The following CDH18 variants were observed in gnomAD, a reference collection of about 807,000 sequenced individuals.
CDH18 encodes cadherin-18.
Under a neutral mutation model 67.9 loss-of-function variants are expected in CDH18, and 31 were observed. That is an observed-to-expected ratio of 0.46 (90% CI 0.34 to 0.62). The LOEUF is 0.62. Among genes scored for constraint, CDH18 ranks in the 20% least tolerant of loss-of-function variants. The probability of loss-of-function intolerance (pLI) is 0.01; values close to 1 mark genes in which losing one functional copy is unlikely to be tolerated. For missense variants in CDH18, 890 were observed against 975.5 expected, an observed-to-expected ratio of 0.91 and a Z score of 1.17; for synonymous variants, 362 against 347.2, an observed-to-expected ratio of 1.04 and a Z score of -0.48.
chr5:20,503,811 G>A (rs527721651), intron 1 of CDH18, among the ~76,000 whole-genome samples: 229 of 152,278 alleles, frequency 1.5e-3, no homozygotes, highest in African/African-American at 5.4e-3. Flanking sequence ...GCTGAGGCGG[G>A]TGGATTATCT....
At chr5:19,782,564 A>C (rs1469213466) in intron 3 of CDH18, among the ~76,000 whole-genome samples, 1 of 152,198 alleles carries the variant, frequency 6.6e-6, no homozygotes, top group Non-Finnish European at 1.5e-5. Context: ...CGTATACTTA[A>C]GGAAAAATTA....
chr5:20,317,029 C>T (rs1051273913), intron 1 of CDH18, among the ~76,000 whole-genome samples: 10 of 151,846 alleles, frequency 6.6e-5, no homozygotes, highest in East Asian at 1.9e-4. Context: ...GAGAATAAAA[C>T]CAAGGCTTAT....
rs35822383 is a variant in CDH18, at chr5:19,971,858, AAGAGAG to A, written c.-257+9196_-257+9201del. ...TCTAAACTTAAACGTTAAAAAAAAA[AAGAGAG>A]AGAGAGAGAGAAAGAAATGTGAATC... On this transcript the variant is annotated intron_variant, in intron 2 of 12. Transcript: ENST00000382275. Among the ~76,000 whole-genome samples, 3 of 126,942 alleles carry A rather than the reference AAGAGAG, an allele frequency of 2.4e-5. No individual in the cohort carries two copies. In the South Asian group the frequency reaches 6.3e-4, roughly 27 times the overall value. 83.3% of individuals were successfully genotyped at this position (126,942 alleles called of 152,430 possible).
intron 1 of CDH18, among the ~76,000 whole-genome samples, chr5:20,452,753 C>G (rs151037993): frequency 6.6e-6 from 1 of 151,950 alleles, no homozygotes; most frequent in East Asian, 1.9e-4. Flanking sequence ...TACCCCTAAA[C>G]CTAAATTAAA....
chr5:20,561,170 G>T (rs1268498624), intron 1 of CDH18, among the ~76,000 whole-genome samples: 1 of 152,034 alleles, frequency 6.6e-6, no homozygotes, highest in African/African-American at 2.4e-5. Context: ...AAGATAAATT[G>T]CATAGCCATA....
chr5:20,418,082 A>AT (rs957254727), intron 1 of CDH18, among the ~76,000 whole-genome samples: 5 of 151,292 alleles, frequency 3.3e-5, no homozygotes, highest in Non-Finnish European at 5.9e-5. Flanking sequence ...TTTTATTTTT[A>AT]TTTTTTGTTG....
intron 2 of CDH18, among the ~76,000 whole-genome samples, chr5:20,010,265 CAG>C (rs773526048): frequency 1.3e-5 from 2 of 151,272 alleles, no homozygotes; most frequent in African/African-American, 4.9e-5. Context: ...TTTTTTGAGA[CAG>C]AGTCTCCCCT....
intron 2 of CDH18, among the ~76,000 whole-genome samples, chr5:20,121,624 A>G (rs919479911): frequency 1.3e-5 from 2 of 152,162 alleles, no homozygotes; most frequent in African/African-American, 4.8e-5. Flanking sequence ...AGAAGAAAAT[A>G]CTTTAAAAAA....
At chr5:19,612,697 T>C in intron 5 of CDH18, 96 bp from the exon 6 acceptor site, 1 of 945,352 alleles carries the variant, frequency 1.1e-6, no homozygotes, top group Non-Finnish European at 1.6e-6. Context: ...TCTTTTAAAA[T>C]AGCATATTTT....
intron 1 of CDH18, among the ~76,000 whole-genome samples, chr5:20,475,260 T>C (rs1752359230): frequency 6.6e-6 from 1 of 152,052 alleles, no homozygotes; most frequent in South Asian, 2.1e-4. Context: ...GCATGATTCA[T>C]TGTACAATTC....
At chr5:20,435,833 G>A (rs898307414) in intron 1 of CDH18, among the ~76,000 whole-genome samples, 6 of 151,918 alleles carry the variant, frequency 3.9e-5, no homozygotes, top group Non-Finnish European at 7.4e-5. Flanking sequence ...GATATCAAAG[G>A]TAAAATCAAA....
At chr5:20,010,039 C>T (rs922128518) in intron 2 of CDH18, among the ~76,000 whole-genome samples, 11 of 151,908 alleles carry the variant, frequency 7.2e-5, no homozygotes, top group Middle Eastern at 3.4e-3. Flanking sequence ...CTTCTTCTTG[C>T]GGGATGCTTT....
chr5:19,692,077 C>T (rs1206723716), intron 5 of CDH18, among the ~76,000 whole-genome samples: 4 of 151,972 alleles, frequency 2.6e-5, no homozygotes, highest in Admixed American at 6.6e-5. Flanking sequence ...AATAAAACCA[C>T]TTATTTACAG....
chr5:19,542,599 A>G (rs1750449147), intron 9 of CDH18, among the ~76,000 whole-genome samples: 1 of 152,210 alleles, frequency 6.6e-6, no homozygotes, highest in African/African-American at 2.4e-5. Flanking sequence ...AGTACCAATG[A>G]CACATACTAT....
At chr5:19,744,096 T>C (rs1769629641) in intron 4 of CDH18, among the ~76,000 whole-genome samples, 2 of 152,126 alleles carry the variant, frequency 1.3e-5, no homozygotes, top group Non-Finnish European at 2.9e-5. Flanking sequence ...TGTTTTCCTA[T>C]AGTAATGAGT....
chr5:19,767,827 G>A (rs1338751661), intron 3 of CDH18, among the ~76,000 whole-genome samples: 2 of 152,026 alleles, frequency 1.3e-5, no homozygotes, highest in Non-Finnish European at 2.9e-5. Context: ...CCAAACTTGG[G>A]AAATTGACCA....
chr5:19,783,945 T>A (rs1223983686), intron 3 of CDH18, among the ~76,000 whole-genome samples: 1 of 152,172 alleles, frequency 6.6e-6, no homozygotes, highest in East Asian at 1.9e-4. Context: ...ACCTGATACA[T>A]TCCTCTGCCC....
intron 2 of CDH18, among the ~76,000 whole-genome samples, chr5:20,197,612 AC>A (rs1473679877): frequency 2.6e-5 from 4 of 152,156 alleles, no homozygotes; most frequent in Non-Finnish European, 2.9e-5. Flanking sequence ...GTCCTAGGGC[AC>A]CCAGACAATC....
chr5:19,652,186 A>G (rs1755676398), intron 5 of CDH18, among the ~76,000 whole-genome samples: 1 of 151,940 alleles, frequency 6.6e-6, no homozygotes, highest in African/African-American at 2.4e-5. Flanking sequence ...TTAAAATGTG[A>G]TATTCTTTAG....
Sources: gnomAD v4.1 joint callset for allele counts (sites outside exome capture counted in the v4.1 genomes callset) on GRCh38, gnomAD v4.1.1 for gene constraint, MANE v1.5 for transcripts, NCBI Gene and HGNC (gene_info 2026-07-23, HGNC 2026-07-21) for gene names.